TANC2: variants seen among roughly 807,000 people sequenced by gnomAD.
TANC2 encodes protein TANC2.
In TANC2, 26 loss-of-function variants were observed where a neutral mutation model predicts 210.5. The ratio of observed to expected loss-of-function variants is 0.12; its 90% confidence interval spans 0.09 to 0.17. The LOEUF is 0.17. TANC2 is among the 10% of genes least tolerant of loss of function. The pLI, the probability that TANC2 is intolerant of heterozygous loss-of-function variation, is 1.00. For missense variants in TANC2, 2,129 were observed against 2,608.9 expected (o/e 0.82, Z 4.01); for synonymous variants, 931 against 967.1 (o/e 0.96, Z 0.69).
intron 7 of TANC2, among the ~76,000 whole-genome samples, chr17:63,212,312 A>G (rs1234983093): frequency 1.3e-5 from 2 of 152,138 alleles, no homozygotes; most frequent in Admixed American, 1.3e-4. Flanking sequence ...TTTTGGTAAA[A>G]CGACTTTCAT....
At chr17:62,997,305 G>A (rs182029648) in intron 1 of TANC2, among the ~76,000 whole-genome samples, 17 of 151,920 alleles carry the variant, frequency 1.1e-4, no homozygotes, top group Middle Eastern at 3.4e-3. Flanking sequence ...TATTTTCATC[G>A]TGTGCATTAT....
chr17:63,073,015 C>A (rs1481056746), intron 2 of TANC2, among the ~76,000 whole-genome samples: 1 of 152,180 alleles, frequency 6.6e-6, no homozygotes, highest in South Asian at 2.1e-4. Context: ...CTGCTTGCAG[C>A]TACTACCCCT....
intron 5 of TANC2, among the ~76,000 whole-genome samples, chr17:63,159,144 C>T (rs192155901): frequency 9.9e-5 from 15 of 152,274 alleles, no homozygotes; most frequent in Admixed American, 1.3e-4. Context: ...GCCATATTCT[C>T]TTCATTAGAA....
chr17:63,102,313 C>G (rs2037654646), intron 4 of TANC2, among the ~76,000 whole-genome samples: 1 of 149,354 alleles, frequency 6.7e-6, no homozygotes, highest in African/African-American at 2.5e-5. Flanking sequence ...GACCCTGCCA[C>G]TAAAAAAAAT....
intron 1 of TANC2, among the ~76,000 whole-genome samples, chr17:63,008,429 A>G (rs2033721970): frequency 6.6e-6 from 1 of 151,996 alleles, no homozygotes; most frequent in African/African-American, 2.4e-5. Context: ...GTCCCACTTC[A>G]TGTTTGCTCT....
chr17:63,324,773 T>C (rs957160114), intron 11 of TANC2, among the ~76,000 whole-genome samples: 5 of 152,176 alleles, frequency 3.3e-5, no homozygotes, highest in African/African-American at 1.2e-4. Context: ...GTTTTTATTT[T>C]CTACCTCTTC....
intron 4 of TANC2, among the ~76,000 whole-genome samples, chr17:63,140,973 C>T (rs2039268354): frequency 6.6e-6 from 1 of 151,994 alleles, no homozygotes; most frequent in Non-Finnish European, 1.5e-5. Flanking sequence ...TGGTCTTGAA[C>T]TCCTGACCTC....
At chr17:63,095,651 C>G (rs2037359726) in intron 3 of TANC2, among the ~76,000 whole-genome samples, 1 of 152,134 alleles carries the variant, frequency 6.6e-6, no homozygotes, top group Non-Finnish European at 1.5e-5. Flanking sequence ...CCCTATCATG[C>G]CCAACCTAGA....
chr17:63,411,237 A>C (rs1466915694), intron 21 of TANC2, among the ~76,000 whole-genome samples: 2 of 152,064 alleles, frequency 1.3e-5, no homozygotes, highest in African/African-American at 4.8e-5. Flanking sequence ...GGATTCTCAC[A>C]GGGGAATAAT....
chr17:63,127,869 T>C (rs1000385882), intron 4 of TANC2, among the ~76,000 whole-genome samples: 2 of 152,192 alleles, frequency 1.3e-5, no homozygotes, highest in African/African-American at 4.8e-5. Context: ...CCCTAATCAC[T>C]TGCAGGATTA....
At chr17:63,327,859 G>T (rs1360272049) in intron 11 of TANC2, among the ~76,000 whole-genome samples, 1 of 151,976 alleles carries the variant, frequency 6.6e-6, no homozygotes, top group Non-Finnish European at 1.5e-5. Context: ...GTGCCATGCT[G>T]GTGTGCTGCA....
intron 14 of TANC2, among the ~76,000 whole-genome samples, chr17:63,370,458 G>A (rs866953108): frequency 8.6e-5 from 13 of 151,974 alleles, no homozygotes; most frequent in Admixed American, 1.3e-4. Context: ...GATTACAGGC[G>A]TGAGCCACCA....
At chr17:63,370,367 A>G (rs2047231431) in intron 14 of TANC2, among the ~76,000 whole-genome samples, 1 of 151,808 alleles carries the variant, frequency 6.6e-6, no homozygotes, top group Admixed American at 6.6e-5. Flanking sequence ...TTTAGTAGAG[A>G]CAGAGTTTCA....
intron 9 of TANC2, among the ~76,000 whole-genome samples, chr17:63,304,250 A>G (rs987059623): frequency 2.6e-5 from 4 of 151,588 alleles, no homozygotes; most frequent in African/African-American, 7.3e-5. Flanking sequence ...GAGGCTTCTG[A>G]CCCTTAGATG....
At chr17:63,167,425 A>G (rs58680575) in intron 5 of TANC2, among the ~76,000 whole-genome samples, 79 of 152,280 alleles carry the variant, frequency 5.2e-4, no homozygotes, top group East Asian at 2.1e-3. Context: ...ATTAATGGGT[A>G]CACTACAGTG....
rs369292271 is a variant in TANC2, at chr17:63,319,008, C to T, written c.1493C>T (p.Ser498Leu). The T allele has an allele frequency of 3.7e-6, 6 of 1,613,526 alleles. No homozygotes were observed. The highest frequency in any genetic ancestry group is 1.1e-5 in the South Asian group (1 of 91,054). ...CTCACACAGCCACCTTCAGCCCACT[C>T]ATCTATCACCAGTGGAAGCTGCCCA... The change falls in exon 11 of 28, where the codon TCA (serine) becomes TTA (leucine). Residue 498 changes from serine (S) to leucine (L), a missense_variant. By Grantham distance (145) the Ser-to-Leu change is moderately radical. This residue lies in a region of TANC2 where 739 missense variants were observed against 848.0 expected (regional missense o/e 0.87). Transcript: ENST00000689528.
intron 8 of TANC2, among the ~76,000 whole-genome samples, chr17:63,261,577 C>T (rs1482495668): frequency 6.6e-6 from 1 of 152,142 alleles, no homozygotes; most frequent in Non-Finnish European, 1.5e-5. Flanking sequence ...TTAGTCCCGC[C>T]TCCCTTGGAA....
In TANC2 at chr17:63,344,640, TAAGCACA is replaced by T. The variant is rs1411280273; in HGVS notation, c.1807+4313_1807+4319del. On this transcript the variant is annotated intron_variant, in intron 12 of 27. Coordinates refer to ENST00000689528, the Ensembl canonical transcript of TANC2. ...AAAAAAGAAATCTGACTAGAACTAGTAAGCACAAAGCTTTAGGCTATAAAGTCAATGT... is the reference window on the plus strand; with the variant it reads ...AAAAAAGAAATCTGACTAGAACTAGTAAGCTTTAGGCTATAAAGTCAATGT... Among the ~76,000 whole-genome samples, 3 of 152,332 alleles carry T rather than the reference TAAGCACA, an allele frequency of 2.0e-5. No homozygotes were observed. The East Asian group carries it at 5.8e-4, about 29-fold the overall frequency.
At chr17:63,180,853 G>T (rs1479864152) in intron 5 of TANC2, among the ~76,000 whole-genome samples, 1 of 151,422 alleles carries the variant, frequency 6.6e-6, no homozygotes, top group Admixed American at 6.6e-5. Context: ...GTGAAACCGT[G>T]TCTCTACTAA....
Sources: allele counts gnomAD v4.1 joint callset (sites outside exome capture counted in the v4.1 genomes callset), GRCh38; gene constraint gnomAD v4.1.1; regional missense constraint gnomAD v4.1.1; transcripts MANE v1.5; gene names NCBI Gene and HGNC (gene_info 2026-07-23, HGNC 2026-07-21).